Variants in WASL observed in about 807,000 individuals in gnomAD.
The protein encoded by WASL is actin nucleation-promoting factor WASL.
In WASL, 20 loss-of-function variants were observed where a neutral mutation model predicts 55.5. The ratio of observed to expected loss-of-function variants is 0.36; its 90% confidence interval spans 0.25 to 0.52. The LOEUF (loss-of-function observed/expected upper bound fraction) is 0.52, where lower values mean the gene tolerates loss of function less well. WASL is among the 20% of genes least tolerant of loss of function. The pLI is 0.92. For synonymous variants in WASL, 249 were observed against 217.6 expected (o/e 1.14, Z -1.27); for missense variants, 504 against 622.5 (o/e 0.81, Z 2.03).
chr7:123,707,674 T>C (rs949266949), intron 2 of WASL, among the ~76,000 whole-genome samples: 1 of 152,196 alleles, frequency 6.6e-6, no homozygotes, highest in South Asian at 2.1e-4. Flanking sequence ...CCCTTTCTTC[T>C]TAGTGGAGTA....
At chr7:123,714,559 GA>G (rs1457678809) in intron 1 of WASL, among the ~76,000 whole-genome samples, 1 of 152,152 alleles carries the variant, frequency 6.6e-6, no homozygotes, top group African/African-American at 2.4e-5. Flanking sequence ...CAAACACAGA[GA>G]GTCTTTTAGA....
intron 10 of WASL, among the ~76,000 whole-genome samples, chr7:123,688,651 C>T (rs1020468654): frequency 1.9e-4 from 29 of 152,102 alleles, no homozygotes; most frequent in Non-Finnish European, 2.5e-4. Context: ...TGTGAGTCAC[C>T]GCACCCAGCC....
intron 10 of WASL, among the ~76,000 whole-genome samples, chr7:123,684,948 T>C (rs1391941620): frequency 1.3e-5 from 2 of 151,994 alleles, no homozygotes; most frequent in African/African-American, 2.4e-5. Context: ...CCTTCCCCAA[T>C]CTTCTTTTCC....
chr7:123,692,215 A>T, intron 9 of WASL, 132 bp downstream of exon 9: 1 of 1,284,510 alleles, frequency 7.8e-7, no homozygotes, highest in Non-Finnish European at 1.0e-6. Flanking sequence ...AAGTATTTTT[A>T]AATTTATAGG....
intron 5 of WASL, among the ~76,000 whole-genome samples, chr7:123,703,058 G>A (rs183570981): frequency 3.3e-5 from 5 of 152,236 alleles, no homozygotes; most frequent in Non-Finnish European, 5.9e-5. Flanking sequence ...TTATATCAAG[G>A]AAAATTTCTA....
chr7:123,697,591 A>C (rs755144828), intron 5 of WASL, among the ~76,000 whole-genome samples: 2 of 152,216 alleles, frequency 1.3e-5, no homozygotes, highest in Non-Finnish European at 2.9e-5. Context: ...TCTCTGACAA[A>C]TCCTCCTTTG....
chr7:123,723,081 T>G (rs1336926447), intron 1 of WASL, among the ~76,000 whole-genome samples: 1 of 152,202 alleles, frequency 6.6e-6, no homozygotes, highest in African/African-American at 2.4e-5. Flanking sequence ...ACTAACTTTA[T>G]TTAGTTAATA....
At position 123,699,663 on chromosome 7, in the gene WASL, C is replaced by G. The variant is rs565845112; in HGVS notation, c.461-2916G>C. 2.3e-4 allele frequency among the ~76,000 whole-genome samples: 35 copies of G among 152,194 alleles called. No individual in the cohort carries two copies. In the South Asian group the frequency reaches 4.4e-3, roughly 19 times the overall value. ...CTTCTTATAACCTTGATTTATATAACTCACTAGAGAAAGTAATTCAGCTGT... is the reference window on the plus strand; with the variant it reads ...CTTCTTATAACCTTGATTTATATAAGTCACTAGAGAAAGTAATTCAGCTGT... On this transcript the variant is annotated intron_variant, in intron 5 of 10. Transcript: ENST00000223023.
chr7:123,717,413 A>T (rs2116799833), intron 1 of WASL, among the ~76,000 whole-genome samples: 1 of 152,338 alleles, frequency 6.6e-6, no homozygotes, highest in Middle Eastern at 3.4e-3. Flanking sequence ...GTCCCTGAAG[A>T]TGATCGTGGT....
At chr7:123,740,950 T>C (rs987940490) in intron 1 of WASL, among the ~76,000 whole-genome samples, 4 of 152,216 alleles carry the variant, frequency 2.6e-5, no homozygotes, top group African/African-American at 9.7e-5. Flanking sequence ...GTGTGGAGTT[T>C]GCAGGTACTC....
rs547056519 is a variant in WASL, at chr7:123,706,457, T to C, written c.340-84A>G. ...ATAAAAACAATGAGGAAAAGAAGTA[T>C]ATTTCTAAAGAACGAAAGGTTAATT... On this transcript the variant is annotated intron_variant, in intron 3 of 10. Transcript: ENST00000223023. 17 of 1,306,452 alleles carry C rather than the reference T, an allele frequency of 1.3e-5. 1 individual carries two copies. The highest frequency in any genetic ancestry group is 1.1e-4 in the Admixed American group (5 of 45,754). The allele number at this position is 1,306,452 out of a possible 1,614,324, so 80.9% of individuals were successfully genotyped here.
At chr7:123,734,175 C>T (rs1235396544) in intron 1 of WASL, among the ~76,000 whole-genome samples, 1 of 152,008 alleles carries the variant, frequency 6.6e-6, no homozygotes, top group Non-Finnish European at 1.5e-5. Flanking sequence ...CTGTGAAAGA[C>T]ACTGATAAAA....
intron 6 of WASL, 38 bp downstream of exon 6, chr7:123,696,541 C>T: frequency 1.3e-6 from 2 of 1,493,458 alleles, no homozygotes; most frequent in Non-Finnish European, 1.8e-6. Context: ...ATGAATAAAT[C>T]AAAAGTGAAG....
intron 1 of WASL, among the ~76,000 whole-genome samples, chr7:123,713,387 A>C (rs1803790061): frequency 6.6e-6 from 1 of 152,126 alleles, no homozygotes; most frequent in Non-Finnish European, 1.5e-5. Flanking sequence ...TCCTGACCTC[A>C]AGTGATCCTC....
At chr7:123,723,766 C>T (rs1459449325) in intron 1 of WASL, among the ~76,000 whole-genome samples, 1 of 152,192 alleles carries the variant, frequency 6.6e-6, no homozygotes, top group Non-Finnish European at 1.5e-5. Context: ...AGCTTCCCAG[C>T]TTCCTGCTGT....
At chr7:123,715,341 T>C (rs1403387500) in intron 1 of WASL, among the ~76,000 whole-genome samples, 1 of 152,188 alleles carries the variant, frequency 6.6e-6, no homozygotes, top group East Asian at 1.9e-4. Flanking sequence ...CCCTAGTCCA[T>C]TTCAACTGTC....
chr7:123,708,943 T>C, intron 2 of WASL, 146 bp downstream of exon 2: 1 of 707,750 alleles, frequency 1.4e-6, no homozygotes, highest in East Asian at 3.3e-5. Context: ...CCGTATGCAA[T>C]ATCTAAAAAC....
At chr7:123,727,916 T>C (rs1248163178) in intron 1 of WASL, among the ~76,000 whole-genome samples, 2 of 152,188 alleles carry the variant, frequency 1.3e-5, no homozygotes, top group Non-Finnish European at 2.9e-5. Context: ...ACGCACTTCA[T>C]TTCATGGTAG....
intron 1 of WASL, among the ~76,000 whole-genome samples, chr7:123,727,785 A>G (rs1321004975): frequency 1.3e-5 from 2 of 152,222 alleles, no homozygotes; most frequent in Non-Finnish European, 2.9e-5. Context: ...CAAAGTTAAT[A>G]TTTAAGATCT....
Sources: gnomAD v4.1 joint callset for allele counts (sites outside exome capture counted in the v4.1 genomes callset) on GRCh38, gnomAD v4.1.1 for gene constraint, MANE v1.5 for transcripts, NCBI Gene and HGNC (gene_info 2026-07-23, HGNC 2026-07-21) for gene names.